TMEM192: variants seen among roughly 807,000 people sequenced by gnomAD.
TMEM192 encodes the protein transmembrane protein 192.
Under a neutral mutation model 26.7 loss-of-function variants are expected in TMEM192, and 20 were observed. The observed-to-expected ratio is 0.75, with a 90% CI of 0.53 to 1.09. The LOEUF is 1.09. Among genes scored for constraint, TMEM192 ranks in the 50% least tolerant of loss-of-function variants. The pLI is 0.00. For missense variants in TMEM192, 304 were observed against 322.6 expected, an observed-to-expected ratio of 0.94 and a Z score of 0.44; for synonymous variants, 124 against 121.0, an observed-to-expected ratio of 1.02 and a Z score of -0.16.
At position 165,076,688 on chromosome 4, in the gene TMEM192, AATGT is replaced by A. The variant is rs552564841; in HGVS notation, c.*2966_*2969del. The A allele has an allele frequency of 2.6e-4, 39 of 152,372 alleles. No homozygotes were observed. The highest frequency in any genetic ancestry group is 9.1e-4 in the African/African-American group (38 of 41,582). The allele number at this position is 152,372 out of a possible 1,614,324, so 9.4% of individuals were successfully genotyped here. ...GAAATCTATTCCTCGCTCTCTTTAG[AATGT>A]AAGCTGCCAACCAGAGTCTTTAATT... On this transcript the variant is annotated 3_prime_UTR_variant, in exon 6 of 6. Transcript: ENST00000306480.
rs1255884506 is a variant in TMEM192 at position 165,079,751 on chromosome 4, G to A, written c.723C>T (p.Thr241=). Residue 241 remains threonine (T), a synonymous_variant, in exon 6 of 6, where the codon ACC becomes ACT. Coordinates refer to ENST00000306480, the MANE Select transcript of TMEM192 (RefSeq NM_001100389.2). ...CATTGTGTCGCTTCAGGTATTCAAT[G>A]GTGTCTCCTTGCTTTTCAACAATTT... The part of the protein sequence containing the change: ...LEEIVEKQGD[T]IEYLKRHNAL... 6.2e-7 allele frequency: 1 copy of A among 1,613,894 alleles called. No homozygotes were observed.
chr4:165,089,991 C>T (rs1474220025), intron 3 of TMEM192, among the ~76,000 whole-genome samples: 1 of 151,902 alleles, frequency 6.6e-6, no homozygotes, highest in African/African-American at 2.4e-5. Flanking sequence ...GTGGGTAGAT[C>T]ACCTGAGGTT....
At chr4:165,111,754 A>G (rs988620325) in intron 1 of TMEM192, 4 of 152,246 alleles carry the variant, frequency 2.6e-5, no homozygotes, top group African/African-American at 9.6e-5. Context: ...TTAACTGGTT[A>G]CTGCACAAGA....
At chr4:165,107,503 T>C (rs1053182203) in intron 1 of TMEM192, among the ~76,000 whole-genome samples, 2 of 151,878 alleles carry the variant, frequency 1.3e-5, no homozygotes, top group African/African-American at 4.8e-5. Flanking sequence ...TCCACTATGC[T>C]TGGCTAATTT....
chr4:165,111,119 T>A (rs1268411752), intron 1 of TMEM192, among the ~76,000 whole-genome samples: 1 of 152,102 alleles, frequency 6.6e-6, no homozygotes, highest in African/African-American at 2.4e-5. Flanking sequence ...TGAGACAGAG[T>A]CTCGCTCTGT....
rs778596030 is a variant in TMEM192, at chr4:165,079,758, C to G, written c.716G>C (p.Gly239Ala). The change falls in exon 6 of 6, where the codon GGA (glycine) becomes GCA (alanine). Residue 239 changes from glycine to alanine, a missense_variant. Transcript: ENST00000306480. ...TCGCTTCAGGTATTCAATGGTGTCT[C>G]CTTGCTTTTCAACAATTTCTTCTAG... ...SSLEEIVEKQ[G>A]DTIEYLKRHN... The G allele has an allele frequency of 3.1e-5, 50 of 1,613,828 alleles. No individual in the cohort carries two copies. The highest frequency in any genetic ancestry group is 4.1e-5 in the Non-Finnish European group (48 of 1,179,930).
In TMEM192 at chr4:165,112,722, C is replaced by T. The variant is rs748532793; in HGVS notation, c.27+25G>A. 7 of 1,608,558 alleles carry T rather than the reference C, an allele frequency of 4.4e-6. No homozygotes were observed. The African/African-American group carries it at 6.7e-5, about 15-fold the overall frequency. On this transcript the variant is annotated intron_variant, in intron 1 of 5. Transcript: ENST00000306480. ...AAGAAAAAGCGGATTCCGGGGCCAA[C>T]CGCCCGCCGCCTCCGTGCACTCACG...
intron 4 of TMEM192, among the ~76,000 whole-genome samples, chr4:165,086,809 G>C (rs1364074541): frequency 6.6e-6 from 1 of 151,608 alleles, no homozygotes; most frequent in Non-Finnish European, 1.5e-5. Flanking sequence ...GCTAGGTAGA[G>C]GCCATTCAAG....
intron 1 of TMEM192, among the ~76,000 whole-genome samples, chr4:165,110,609 G>A (rs975051755): frequency 6.6e-5 from 10 of 152,198 alleles, no homozygotes; most frequent in African/African-American, 2.4e-4. Context: ...GGAGGCTGAG[G>A]CAGAAGAATC....
chr4:165,107,351 A>AAC (rs1735186989), intron 1 of TMEM192, among the ~76,000 whole-genome samples: 1 of 149,396 alleles, frequency 6.7e-6, no homozygotes, highest in African/African-American at 2.5e-5. Flanking sequence ...CAAAAACAAA[A>AAC]AAAAAAACAG....
chr4:165,099,969 T>A (rs1735000884), intron 3 of TMEM192, among the ~76,000 whole-genome samples: 2 of 151,764 alleles, frequency 1.3e-5, no homozygotes, highest in African/African-American at 4.8e-5. Flanking sequence ...AAAATAAAAT[T>A]TAAAAATTCC....
intron 3 of TMEM192, among the ~76,000 whole-genome samples, chr4:165,097,890 C>T (rs1229616510): frequency 1.3e-5 from 2 of 151,810 alleles, no homozygotes; most frequent in Admixed American, 6.6e-5. Context: ...TGGAGTGGCA[C>T]GATCTCAGCT....
chr4:165,100,442 GC>G, intron 3 of TMEM192, among the ~76,000 whole-genome samples, 185 bp downstream of exon 3: 1 of 152,310 alleles, frequency 6.6e-6, no homozygotes, highest in East Asian at 1.9e-4. Context: ...ATAGGCGTGA[GC>G]CACCGCACCC....
intron 3 of TMEM192, among the ~76,000 whole-genome samples, chr4:165,092,112 CTTTTTTTTTTTTT>C (rs35641833): frequency 4.2e-5 from 3 of 72,074 alleles, no homozygotes; most frequent in African/African-American, 6.7e-5. Flanking sequence ...TAATGCTGTT[CTTTTTTTTTTTTT>C]TTTTTTTTTT....
chr4:165,097,961 C>T (rs759472121), intron 3 of TMEM192, among the ~76,000 whole-genome samples: 1 of 151,934 alleles, frequency 6.6e-6, no homozygotes, highest in Non-Finnish European at 1.5e-5. Flanking sequence ...GCTGGAATTA[C>T]AGCCACCTGC....
At position 165,098,933 on chromosome 4, in the gene TMEM192, G is replaced by A. The variant is rs1013433582; in HGVS notation, c.439+1695C>T. ...GCCAGGCTGGTCTCGAACTCCTGAC[G>A]TCAGGTGATCCTTCCGCTTCGGCCT... On this transcript the variant is annotated intron_variant, in intron 3 of 5. Transcript: ENST00000306480. Among the ~76,000 whole-genome samples the A allele has an allele frequency of 1.1e-4, 16 of 150,610 alleles. No homozygotes were observed. The South Asian group carries it at 1.3e-3, about 12-fold the overall frequency.
intron 3 of TMEM192, among the ~76,000 whole-genome samples, chr4:165,092,411 C>T (rs1183682505): frequency 6.6e-6 from 1 of 152,100 alleles, no homozygotes; most frequent in Non-Finnish European, 1.5e-5. Context: ...CGTAAGCCAC[C>T]GCACCCGGCC....
At chr4:165,112,686 C>A (rs1234141482) in intron 1 of TMEM192, 61 bp downstream of exon 1, 1 of 1,599,492 alleles carries the variant, frequency 6.3e-7, no homozygotes, top group Non-Finnish European at 8.5e-7. Flanking sequence ...CCGCCCCGTG[C>A]GCCCCGGCAC....
At chr4:165,105,609 G>C (rs1173562750) in intron 1 of TMEM192, among the ~76,000 whole-genome samples, 2 of 152,098 alleles carry the variant, frequency 1.3e-5, no homozygotes, top group African/African-American at 4.8e-5. Flanking sequence ...CACTCAATAA[G>C]TATTAGCCAC....
Sources: allele counts gnomAD v4.1 joint callset (sites outside exome capture counted in the v4.1 genomes callset), GRCh38; gene constraint gnomAD v4.1.1; transcripts MANE v1.5; gene names NCBI Gene and HGNC (gene_info 2026-07-23, HGNC 2026-07-21).